Variants in LARGE1 observed in about 807,000 individuals in gnomAD.
LARGE1 encodes LARGE xylosyl- and glucuronyltransferase 1, also known as xylosyl- and glucuronyltransferase LARGE1.
LARGE1 carries 43 observed loss-of-function variants against 87.6 expected under a neutral mutation model. The ratio of observed to expected loss-of-function variants is 0.49; its 90% CI spans 0.38 to 0.63. The LOEUF is 0.63. LARGE1 is among the 30% of genes least tolerant of loss of function. The pLI, the probability that LARGE1 is intolerant of heterozygous loss-of-function variation, is 0.00. For synonymous variants in LARGE1, 434 were observed against 394.6 expected, an observed-to-expected ratio of 1.10 and a Z score of -1.18; for missense variants, 802 against 1,000.2, an observed-to-expected ratio of 0.80 and a Z score of 2.67.
chr22:33,792,941 C>T (rs1337740742), intron 1 of LARGE1, among the ~76,000 whole-genome samples: 2 of 152,172 alleles, frequency 1.3e-5, no homozygotes, highest in Non-Finnish European at 2.9e-5. Context: ...TGACATTGAG[C>T]ACCTCTTCTA....
At chr22:33,361,587 G>C (rs2064387349) in intron 9 of LARGE1, among the ~76,000 whole-genome samples, 1 of 149,500 alleles carries the variant, frequency 6.7e-6, no homozygotes, top group African/African-American at 2.5e-5. Flanking sequence ...GGGCTGAGGG[G>C]TAGTGTGAGG....
chr22:33,844,187 T>C (rs1193734692), intron 1 of LARGE1, among the ~76,000 whole-genome samples: 2 of 152,134 alleles, frequency 1.3e-5, no homozygotes, highest in Non-Finnish European at 2.9e-5. Context: ...AGGATACCTC[T>C]TGAGACCGTC....
At chr22:33,275,346 A>G (rs1309488706) in intron 14 of LARGE1, among the ~76,000 whole-genome samples, 3 of 152,280 alleles carry the variant, frequency 2.0e-5, no homozygotes, top group African/African-American at 2.4e-5. Context: ...TTTTACTCAG[A>G]TCTATTTACT....
intron 6 of LARGE1, among the ~76,000 whole-genome samples, chr22:33,547,553 T>C (rs1319424387): frequency 2.0e-5 from 3 of 151,898 alleles, no homozygotes; most frequent in African/African-American, 7.3e-5. Flanking sequence ...CCCAGCACTT[T>C]AGGAGGACGA....
chr22:33,161,887 T>C (rs1922038864), downstream of LARGE1, among the ~76,000 whole-genome samples: 1 of 152,240 alleles, frequency 6.6e-6, no homozygotes, highest in Non-Finnish European at 1.5e-5. Context: ...CCAGTCTGTT[T>C]GCTAAAGCAT....
At chr22:33,708,039 T>C (rs2082613952) in intron 2 of LARGE1, among the ~76,000 whole-genome samples, 1 of 152,130 alleles carries the variant, frequency 6.6e-6, no homozygotes, top group South Asian at 2.1e-4. Context: ...ATGTCCAAGC[T>C]GCTGAGAAGG....
chr22:33,517,382 A>C (rs2071361466), intron 6 of LARGE1, among the ~76,000 whole-genome samples: 1 of 152,154 alleles, frequency 6.6e-6, no homozygotes, highest in Admixed American at 6.5e-5. Context: ...GAGCTACAAA[A>C]ACATACATAT....
chr22:33,244,049 C>T (rs946844265), intron 11 of LARGE1, among the ~76,000 whole-genome samples: 3 of 152,206 alleles, frequency 2.0e-5, no homozygotes, highest in South Asian at 4.2e-4. Context: ...AGTGCAGTGG[C>T]GCGATCTCGG....
intron 2 of LARGE1, among the ~76,000 whole-genome samples, chr22:33,719,082 C>A (rs2082999357): frequency 6.6e-6 from 1 of 152,272 alleles, no homozygotes; most frequent in South Asian, 2.1e-4. Context: ...AGCCACCACA[C>A]CCGGCTGTAT....
intron 5 of LARGE1, among the ~76,000 whole-genome samples, chr22:33,581,886 C>T (rs1474487757): frequency 6.6e-6 from 1 of 151,772 alleles, no homozygotes; most frequent in Non-Finnish European, 1.5e-5. Flanking sequence ...ATGGACATCA[C>T]CATGGGGTCA....
At chr22:33,366,151 G>C (rs2064582588) in intron 9 of LARGE1, among the ~76,000 whole-genome samples, 1 of 152,162 alleles carries the variant, frequency 6.6e-6, no homozygotes, top group South Asian at 2.1e-4. Context: ...TATGAGACAG[G>C]GATCCACTTA....
intron 11 of LARGE1, among the ~76,000 whole-genome samples, chr22:33,252,832 C>T (rs374182763): frequency 6.6e-6 from 1 of 152,172 alleles, no homozygotes; most frequent in Non-Finnish European, 1.5e-5. Context: ...AGGAGACACT[C>T]TTTGGGGTCA....
intron 7 of LARGE1, among the ~76,000 whole-genome samples, chr22:33,391,405 AACTG>A (rs1426562094): frequency 6.6e-6 from 1 of 152,114 alleles, no homozygotes; most frequent in Non-Finnish European, 1.5e-5. Flanking sequence ...GGTACAGGTA[AACTG>A]ACTGTGTCTC....
At chr22:33,882,475 G>T (rs1473069231) in intron 1 of LARGE1, among the ~76,000 whole-genome samples, 1 of 152,174 alleles carries the variant, frequency 6.6e-6, no homozygotes, top group African/African-American at 2.4e-5. Flanking sequence ...TGATAAAGGG[G>T]CAGGTGAGGG....
chr22:33,306,213 C>G (rs986496365), intron 11 of LARGE1, among the ~76,000 whole-genome samples: 9 of 152,174 alleles, frequency 5.9e-5, no homozygotes, highest in African/African-American at 2.4e-5. Context: ...TTGTACTAGA[C>G]TTCTGCTGTG....
At chr22:33,803,786 C>T (rs1403439769) in intron 1 of LARGE1, among the ~76,000 whole-genome samples, 1 of 152,198 alleles carries the variant, frequency 6.6e-6, no homozygotes, top group African/African-American at 2.4e-5. Flanking sequence ...GGTTCCGTGC[C>T]TAGGGTTTTC....
In LARGE1 at chr22:33,249,721, G is replaced by T. The variant is rs1427142826; in HGVS notation, c.1730+54508C>A. On this transcript the variant is annotated intron_variant, in intron 11 of 11. Coordinates refer to the LARGE1 transcript ENST00000608642. ...CACTTTGAGTTAATTTTTGTGAAGGGTATAAGTCTATCTCTAGATGTATTT... is the reference window on the plus strand; with the variant it reads ...CACTTTGAGTTAATTTTTGTGAAGGTTATAAGTCTATCTCTAGATGTATTT... Among the ~76,000 whole-genome samples the T allele has an allele frequency of 2.0e-5, 3 of 152,142 alleles. No individual in the cohort carries two copies. The East Asian group carries it at 5.8e-4, about 29-fold the overall frequency.
intron 1 of LARGE1, chr22:33,889,291 G>A (rs974001070): frequency 3.9e-5 from 6 of 152,146 alleles, no homozygotes; most frequent in Non-Finnish European, 8.8e-5. Context: ...GACAATTTTC[G>A]TGGCAAAGGT....
intron 12 of LARGE1, among the ~76,000 whole-genome samples, chr22:33,301,834 G>T (rs1249438608): frequency 6.6e-6 from 1 of 152,132 alleles, no homozygotes; most frequent in African/African-American, 2.4e-5. Flanking sequence ...CTTCAAGTAG[G>T]GTCTGGATTA....
Sources: gnomAD v4.1 joint callset for allele counts (sites outside exome capture counted in the v4.1 genomes callset) on GRCh38, gnomAD v4.1.1 for gene constraint, MANE v1.5 for transcripts, NCBI Gene and HGNC (gene_info 2026-07-23, HGNC 2026-07-21) for gene names.